Variants in RABGAP1L observed in about 807,000 individuals in gnomAD.
The protein encoded by RABGAP1L is rab GTPase-activating protein 1-like.
A neutral mutation model predicts 137.7 loss-of-function variants in RABGAP1L; 63 were observed. The ratio of observed to expected loss-of-function variants is 0.46; its 90% confidence interval spans 0.37 to 0.56. RABGAP1L has a LOEUF of 0.56. RABGAP1L is among the 20% of genes least tolerant of loss of function. The pLI, the probability that RABGAP1L is intolerant of heterozygous loss-of-function variation, is 0.00. For missense variants in RABGAP1L, 1,095 were observed against 1,244.0 expected, an observed-to-expected ratio of 0.88 and a Z score of 1.80; for synonymous variants, 431 against 433.7, an observed-to-expected ratio of 0.99 and a Z score of 0.08.
intron 19 of RABGAP1L, among the ~76,000 whole-genome samples, chr1:174,835,035 T>C (rs77460108): frequency 0.063 from 9,562 of 152,042 alleles, 1,053 homozygotes; most frequent in African/African-American, 0.22. Context: ...ATGACTTGGA[T>C]TAGAGGAAAC....
intron 15 of RABGAP1L, among the ~76,000 whole-genome samples, chr1:174,687,146 G>T (rs928985733): frequency 6.6e-6 from 1 of 151,928 alleles, no homozygotes; most frequent in Non-Finnish European, 1.5e-5. Flanking sequence ...CACCCCGTCC[G>T]CAAAGAGAGA....
chr1:174,693,011 G>A (rs1306199015), intron 15 of RABGAP1L, among the ~76,000 whole-genome samples: 2 of 152,068 alleles, frequency 1.3e-5, no homozygotes, highest in Non-Finnish European at 2.9e-5. Context: ...TTCTCCTGCA[G>A]CGCCTTTTGT....
intron 18 of RABGAP1L, among the ~76,000 whole-genome samples, chr1:174,791,835 A>G (rs1235856915): frequency 6.6e-6 from 1 of 152,148 alleles, no homozygotes; most frequent in Non-Finnish European, 1.5e-5. Flanking sequence ...AAAAATTGAG[A>G]AGGCAGATGT....
chr1:174,305,808 C>G (rs1180649782), intron 11 of RABGAP1L, among the ~76,000 whole-genome samples: 1 of 151,484 alleles, frequency 6.6e-6, no homozygotes, highest in East Asian at 1.9e-4. Context: ...GGTACATGTG[C>G]ACAACGTGCA....
intron 13 of RABGAP1L, among the ~76,000 whole-genome samples, chr1:174,504,870 T>C (rs1661670411): frequency 6.6e-6 from 1 of 152,060 alleles, no homozygotes; most frequent in African/African-American, 2.4e-5. Flanking sequence ...GGTAGACAAA[T>C]AGAATTGAAT....
At chr1:174,853,228 GTT>G (rs77745358) in intron 19 of RABGAP1L, among the ~76,000 whole-genome samples, 7 of 138,824 alleles carry the variant, frequency 5.0e-5, no homozygotes, top group Admixed American at 7.2e-5. Flanking sequence ...AGGCTGGGTT[GTT>G]TTTTTTTTTT....
chr1:174,434,144 CACACACA>C (rs1558230239), intron 13 of RABGAP1L, among the ~76,000 whole-genome samples: 1 of 151,796 alleles, frequency 6.6e-6, no homozygotes, highest in African/African-American at 2.4e-5. Context: ...CACACACACA[CACACACA>C]CCCTGCCTGG....
chr1:174,617,796 C>T (rs560724887), intron 13 of RABGAP1L, among the ~76,000 whole-genome samples: 28 of 152,296 alleles, frequency 1.8e-4, no homozygotes, highest in East Asian at 5.8e-4. Flanking sequence ...GCGTGAGCGA[C>T]GCAGAAGACG....
At chr1:174,426,267 T>C (rs1045215368) in intron 13 of RABGAP1L, among the ~76,000 whole-genome samples, 3 of 152,094 alleles carry the variant, frequency 2.0e-5, no homozygotes, top group African/African-American at 7.2e-5. Flanking sequence ...AAAGTAGTTA[T>C]TAAGGAAAAT....
chr1:174,876,379 A>G (rs1183996716), intron 19 of RABGAP1L, among the ~76,000 whole-genome samples: 3 of 152,226 alleles, frequency 2.0e-5, no homozygotes, highest in Non-Finnish European at 4.4e-5. Flanking sequence ...AAAGCAGGGA[A>G]GATACTAGCT....
At chr1:174,498,944 A>G (rs1446827684) in intron 13 of RABGAP1L, among the ~76,000 whole-genome samples, 1 of 152,064 alleles carries the variant, frequency 6.6e-6, no homozygotes, top group African/African-American at 2.4e-5. Context: ...ATTTTTGTTT[A>G]TAGTTTAAAT....
At chr1:174,249,253 A>G (rs1672515903) in intron 5 of RABGAP1L, among the ~76,000 whole-genome samples, 1 of 152,226 alleles carries the variant, frequency 6.6e-6, no homozygotes, top group South Asian at 2.1e-4. Context: ...CTTATAGCAC[A>G]ACAACATTGA....
intron 13 of RABGAP1L, among the ~76,000 whole-genome samples, chr1:174,475,697 G>T (rs1658426059): frequency 1.4e-5 from 2 of 140,268 alleles, no homozygotes; most frequent in African/African-American, 2.7e-5. Flanking sequence ...CTTGAGCCCA[G>T]AAGTTCAAGG....
At chr1:174,232,801 C>A (rs1488890865) in intron 4 of RABGAP1L, among the ~76,000 whole-genome samples, 1 of 151,848 alleles carries the variant, frequency 6.6e-6, no homozygotes, top group Non-Finnish European at 1.5e-5. Context: ...TATTCTCCTA[C>A]ATTCGGCCTT....
At chr1:174,860,164 G>T (rs1650048993) in intron 19 of RABGAP1L, among the ~76,000 whole-genome samples, 1 of 151,994 alleles carries the variant, frequency 6.6e-6, no homozygotes, top group African/African-American at 2.4e-5. Context: ...ATCAAGGTTT[G>T]CTCAGTGTGG....
chr1:174,209,187 T>C lies in RABGAP1L; in HGVS notation c.-33-9938T>C, dbSNP rs1043184692. Among the ~76,000 whole-genome samples the C allele has an allele frequency of 2.6e-5, 4 of 152,214 alleles. 1 individual carries two copies. Among genetic ancestry groups the C allele is most frequent in the Non-Finnish European group, 4.4e-5 (3 of 68,024 alleles). The stretch of plus-strand genomic sequence containing the variant: ...CTCAGGCAATAATAATACTCGCTTA[T>C]GCATTGCGTACCTCCTGCTCTGTGG... On this transcript the variant is annotated intron_variant, in intron 1 of 25. Coordinates refer to ENST00000681986, the MANE Select transcript of RABGAP1L (RefSeq NM_001366446.1).
At position 174,422,945 on chromosome 1, in the gene RABGAP1L, CAAAAAAAAAAA is replaced by C. The variant is rs202100563; in HGVS notation, c.1710+28812_1710+28822del. The stretch of plus-strand genomic sequence containing the variant: ...CTGGGTGATAGAGTGAGATTCTGTC[CAAAAAAAAAAA>C]AAAAAAAAAAATTTTTTTTGAACCA... On this transcript the variant is annotated intron_variant, in intron 13 of 25. Coordinates refer to ENST00000681986, the MANE Select transcript of RABGAP1L (RefSeq NM_001366446.1). Among the ~76,000 whole-genome samples the C allele has an allele frequency of 1.5e-4, 12 of 79,666 alleles. No homozygotes were observed. In the East Asian group the frequency reaches 3.8e-3, roughly 25 times the overall value. The allele number at this position is 79,666 out of a possible 152,430, so 52.3% of individuals were successfully genotyped here.
chr1:174,637,567 C>A, intron 14 of RABGAP1L, 79 bp downstream of exon 14: 1 of 1,020,180 alleles, frequency 9.8e-7, no homozygotes, highest in East Asian at 2.5e-5. Flanking sequence ...TTTTTTTACT[C>A]TGTCTTCATT....
chr1:174,636,967 T>G (rs558258182), intron 13 of RABGAP1L, among the ~76,000 whole-genome samples: 1 of 152,338 alleles, frequency 6.6e-6, no homozygotes, highest in Non-Finnish European at 1.5e-5. Flanking sequence ...GATATATCTA[T>G]ATCCAGATAT....
Sources: gnomAD v4.1 joint callset for allele counts (sites outside exome capture counted in the v4.1 genomes callset) on GRCh38, gnomAD v4.1.1 for gene constraint, MANE v1.5 for transcripts, NCBI Gene and HGNC (gene_info 2026-07-23, HGNC 2026-07-21) for gene names.